The following SPAG16 variants were observed in gnomAD, a reference collection of about 807,000 sequenced individuals.
SPAG16 encodes sperm associated antigen 16.
Under a neutral mutation model 80.4 loss-of-function variants are expected in SPAG16, and 86 were observed. That is an observed-to-expected ratio of 1.07 (90% CI 0.90 to 1.28). SPAG16 has a LOEUF of 1.28. SPAG16 is among the 50% of genes most tolerant of loss of function. The pLI, the probability that SPAG16 is intolerant of heterozygous loss-of-function variation, is 0.00. For synonymous variants in SPAG16, 294 were observed against 265.9 expected (o/e 1.11, Z -1.03); for missense variants, 870 against 765.3 (o/e 1.14, Z -1.61).
chr2:213,747,495 G>A (rs2067880358), intron 10 of SPAG16, among the ~76,000 whole-genome samples: 1 of 152,120 alleles, frequency 6.6e-6, no homozygotes, highest in African/African-American at 2.4e-5. Context: ...CAGTCCTGTA[G>A]GCACCATTCA....
intron 15 of SPAG16, among the ~76,000 whole-genome samples, chr2:214,159,686 G>C (rs1010304620): frequency 1.3e-5 from 2 of 151,976 alleles, no homozygotes; most frequent in East Asian, 3.9e-4. Context: ...TGTTCTATAA[G>C]AGAAGTGTAA....
chr2:214,087,325 T>C (rs986061256), intron 13 of SPAG16, among the ~76,000 whole-genome samples: 9 of 152,156 alleles, frequency 5.9e-5, no homozygotes, highest in Non-Finnish European at 8.8e-5. Context: ...AAAAAAGTGA[T>C]GGATACCATT....
At chr2:213,672,494 G>A (rs1431619492) in intron 10 of SPAG16, among the ~76,000 whole-genome samples, 2 of 151,182 alleles carry the variant, frequency 1.3e-5, no homozygotes, top group African/African-American at 2.4e-5. Flanking sequence ...TTATTTTTTT[G>A]TGCGTCACTG....
intron 15 of SPAG16, among the ~76,000 whole-genome samples, chr2:214,386,892 A>G (rs763621586): frequency 2.1e-5 from 3 of 143,882 alleles, no homozygotes; most frequent in African/African-American, 5.7e-5. Flanking sequence ...AAAAACAACT[A>G]TGAAATAGGG....
intron 13 of SPAG16, among the ~76,000 whole-genome samples, chr2:214,049,969 G>A (rs2049552332): frequency 6.6e-6 from 1 of 152,218 alleles, no homozygotes; most frequent in Non-Finnish European, 1.5e-5. Flanking sequence ...AGAAGAATGT[G>A]TAACAGATTT....
At chr2:214,372,005 A>G (rs1346926655) in intron 15 of SPAG16, among the ~76,000 whole-genome samples, 2 of 152,126 alleles carry the variant, frequency 1.3e-5, no homozygotes, top group East Asian at 3.8e-4. Flanking sequence ...TATGAATTAT[A>G]TATATCTTAT....
chr2:213,757,397 C>G (rs2125507429), intron 10 of SPAG16, among the ~76,000 whole-genome samples: 1 of 151,606 alleles, frequency 6.6e-6, no homozygotes. Flanking sequence ...CCAAAAAGAG[C>G]CCAAACAATC....
chr2:213,950,356 G>A (rs2079689422), intron 12 of SPAG16, among the ~76,000 whole-genome samples: 1 of 152,100 alleles, frequency 6.6e-6, no homozygotes, highest in African/African-American at 2.4e-5. Context: ...TGTTCACATA[G>A]TTACAGACAT....
chr2:213,807,084 A>G lies in SPAG16; in HGVS notation c.1071-55401A>G, dbSNP rs147950962. ...ACATCTGGCTTATCCTAACTATGAC[A>G]AAGAAAATAGTTTTATCCAGTAAAT... is the stretch of plus-strand genomic sequence containing the variant. On this transcript the variant is annotated intron_variant, in intron 10 of 15. Coordinates refer to ENST00000331683, the MANE Select transcript of SPAG16 (RefSeq NM_024532.5). 7.4e-3 allele frequency among the ~76,000 whole-genome samples: 1,125 copies of G among 152,314 alleles called. 5 individuals carry two copies. The highest frequency in any genetic ancestry group is 0.017 in the Middle Eastern group (5 of 294).
At chr2:213,338,221 A>C (rs1247583484) in intron 5 of SPAG16, among the ~76,000 whole-genome samples, 1 of 152,206 alleles carries the variant, frequency 6.6e-6, no homozygotes, top group Non-Finnish European at 1.5e-5. Context: ...AGGAAGCACT[A>C]AATATGGAAG....
chr2:213,536,590 C>A (rs2076256534), intron 10 of SPAG16, among the ~76,000 whole-genome samples: 1 of 152,168 alleles, frequency 6.6e-6, no homozygotes, highest in South Asian at 2.1e-4. Context: ...TGATGGTGAG[C>A]ATTTTTTCAT....
intron 13 of SPAG16, among the ~76,000 whole-genome samples, chr2:214,041,036 A>G (rs566578019): frequency 1.3e-5 from 2 of 149,728 alleles, no homozygotes; most frequent in South Asian, 4.2e-4. Context: ...CTTTTTGTTT[A>G]TTTTATTTTT....
chr2:213,987,450 TAAATC>T (rs1293418296), intron 12 of SPAG16, among the ~76,000 whole-genome samples: 1 of 152,092 alleles, frequency 6.6e-6, no homozygotes, highest in African/African-American at 2.4e-5. Context: ...GATTTTCTGA[TAAATC>T]AAGTTAAAAT....
At chr2:213,802,572 A>C (rs13034808) in intron 10 of SPAG16, among the ~76,000 whole-genome samples, 1 of 151,994 alleles carries the variant, frequency 6.6e-6, no homozygotes, top group Non-Finnish European at 1.5e-5. Context: ...AAAAGTTAAA[A>C]AAAGCACCTA....
intron 15 of SPAG16, among the ~76,000 whole-genome samples, chr2:214,342,125 G>A (rs918679752): frequency 3.3e-5 from 5 of 152,160 alleles, no homozygotes; most frequent in African/African-American, 9.7e-5. Flanking sequence ...TTTAAGGAAC[G>A]ATTTTAAGTA....
In SPAG16 at chr2:213,553,128, A is replaced by G. The variant is rs193182169; in HGVS notation, c.1070+63038A>G. Among the ~76,000 whole-genome samples, 1,100 of 152,234 alleles carry G rather than the reference A, an allele frequency of 7.2e-3. 6 individuals are homozygous for G. The highest frequency in any genetic ancestry group is 0.012 in the Non-Finnish European group (795 of 68,012). ...TACACCTTAATAAACTCCCCTTCAT[A>G]TATACATCTATGCTATTAGTCCTGT... is the stretch of plus-strand genomic sequence containing the variant. On this transcript the variant is annotated intron_variant, in intron 10 of 15. Transcript: ENST00000331683.
chr2:213,292,349 C>T (rs957399957), intron 1 of SPAG16, among the ~76,000 whole-genome samples: 4 of 152,138 alleles, frequency 2.6e-5, no homozygotes, highest in East Asian at 1.9e-4. Context: ...GCTGAACCTT[C>T]GGAAATTTTA....
At chr2:213,444,186 G>A (rs2125542793) in intron 9 of SPAG16, among the ~76,000 whole-genome samples, 1 of 152,300 alleles carries the variant, frequency 6.6e-6, no homozygotes, top group East Asian at 1.9e-4. Context: ...GGGAGGAACT[G>A]TAAACCTTGG....
intron 10 of SPAG16, among the ~76,000 whole-genome samples, chr2:213,746,690 C>G (rs2067839970): frequency 6.6e-6 from 1 of 152,032 alleles, no homozygotes. Context: ...GCCTGTAGTC[C>G]CAGTTACTAG....
Sources: allele counts gnomAD v4.1 joint callset (sites outside exome capture counted in the v4.1 genomes callset), GRCh38; gene constraint gnomAD v4.1.1; transcripts MANE v1.5; gene names NCBI Gene and HGNC (gene_info 2026-07-23, HGNC 2026-07-21).